The following ZFYVE16 variants were observed in gnomAD, a reference collection of about 807,000 sequenced individuals.
The protein encoded by ZFYVE16 is zinc finger FYVE-type containing 16.
In ZFYVE16, 89 loss-of-function variants were observed where a neutral mutation model predicts 138.1. That is an observed-to-expected ratio of 0.64 (90% CI 0.54 to 0.77). The LOEUF is 0.77. ZFYVE16 is among the 30% of genes least tolerant of loss of function. The pLI is 0.00. For synonymous variants in ZFYVE16, 596 were observed against 618.3 expected (o/e 0.96, Z 0.53); for missense variants, 1,793 against 1,786.7 (o/e 1.00, Z -0.06).
rs1332346630 is a variant in ZFYVE16 at position 80,427,549 on chromosome 5, C to A, written c.-40+4C>A. On this transcript the variant is annotated splice_donor_region_variant and intron_variant, in intron 2 of 18. Transcript: ENST00000505560. ...GAGTTTCTGTTCCAGACCAGAGGTT[C>A]GTCTACTTTTTTCATCTTTTCATAA... is the stretch of plus-strand genomic sequence containing the variant. 1 of 135,126 alleles carries A rather than the reference C, an allele frequency of 7.4e-6. No individual in the cohort carries two copies. 8.4% of individuals were successfully genotyped at this position (135,126 alleles called of 1,614,324 possible). A position where few individuals can be genotyped will look rare whatever the true frequency, so the allele number is the denominator to read the frequency against.
Position 80,437,427 on chromosome 5 carries a change from T to C in ZFYVE16, c.742T>C (p.Leu248=). 1.2e-6 allele frequency: 2 copies of C among 1,604,248 alleles called. No individual in the cohort carries two copies. Among genetic ancestry groups the C allele is most frequent in the Non-Finnish European group, 1.7e-6 (2 of 1,176,314 alleles). ...TGTTGATTTTAACATGTCATCTGCT[T>C]TGACTCGACAAAGTTCCAAAATGTT... ...SIVDFNMSSA[L]TRQSSKMFHA... Residue 248 remains leucine, a synonymous_variant, in exon 4 of 19, where the codon TTG becomes CTG. Transcript: ENST00000505560.
chr5:80,472,969 G>A (rs1411360885), intron 16 of ZFYVE16, 46 bp downstream of exon 16: 3 of 1,480,876 alleles, frequency 2.0e-6, no homozygotes, highest in African/African-American at 1.4e-5. Context: ...GAAGGAAAGT[G>A]CAGGATTAAA....
Position 80,459,458 on chromosome 5 carries a change from T to A in ZFYVE16, c.3988T>A (p.Ser1330Thr), listed in dbSNP as rs113349886. ...FVVFNGALKT[S>T]SGFLAKSSIV... ...GGTATTCAATGGAGCTCTAAAAACATCTTCAGGATTTCTTGCTAAGTCCAG... is the reference window on the plus strand; with the variant it reads ...GGTATTCAATGGAGCTCTAAAAACAACTTCAGGATTTCTTGCTAAGTCCAG... The change falls in exon 15 of 19, where the codon TCT (serine) becomes ACT (threonine). Residue 1330 changes from serine to threonine, a missense_variant. Transcript: ENST00000505560. 4.3e-6 allele frequency: 7 copies of A among 1,613,356 alleles called. No individual in the cohort carries two copies. Among genetic ancestry groups the A allele is most frequent in the Non-Finnish European group, 5.9e-6 (7 of 1,179,640 alleles).
At chr5:80,470,521 A>AT (rs911282034) in intron 15 of ZFYVE16, among the ~76,000 whole-genome samples, 37 of 150,392 alleles carry the variant, frequency 2.5e-4, no homozygotes, top group African/African-American at 3.2e-4. Flanking sequence ...AATTTCTATT[A>AT]TTTTTTTTGA....
chr5:80,424,001 A>G (rs1747628318), intron 1 of ZFYVE16, among the ~76,000 whole-genome samples: 1 of 150,172 alleles, frequency 6.7e-6, no homozygotes, highest in Non-Finnish European at 1.5e-5. Flanking sequence ...GCTGGAGTGC[A>G]ATGGTGGGAT....
intron 18 of ZFYVE16, 27 bp from the exon 19 acceptor site, chr5:80,477,192 C>T: frequency 6.4e-7 from 1 of 1,561,962 alleles, no homozygotes; most frequent in Non-Finnish European, 8.6e-7. Context: ...TGCTCATTTT[C>T]TTATCAAGAA....
rs895477268 is a variant in ZFYVE16, at chr5:80,418,980, G to A, written c.-93-8512G>A. ...CTAGGTTCATATTTTTCATAGAGAT[G>A]TCCAGTTTTTTCAGCACCTGTTATT... On this transcript the variant is annotated intron_variant, in intron 1 of 18. Coordinates refer to ENST00000505560, the MANE Select transcript of ZFYVE16 (RefSeq NM_001284236.3). 2.6e-5 allele frequency among the ~76,000 whole-genome samples: 4 copies of A among 151,234 alleles called. No homozygotes were observed. The South Asian group carries it at 6.2e-4, about 24-fold the overall frequency.
chr5:80,439,969 A>C lies in ZFYVE16; in HGVS notation c.2356A>C (p.Lys786Gln), dbSNP rs1750483934. ...TGGTGTCTGTTGTAATAGGAAGTGT[A>C]AACTGCAATATCTAGAAAAGGAAGC... is the stretch of plus-strand genomic sequence containing the variant. ...FCGVCCNRKC[K>Q]LQYLEKEARV... The change falls in exon 5 of 19, where the codon AAA (lysine) becomes CAA (glutamine). Residue 786 changes from lysine to glutamine, a missense_variant. Lys to Gln is a moderately conservative substitution (Grantham distance 53, BLOSUM62 1). Around this residue, in one of 2 missense-constraint regions of ZFYVE16, gnomAD observed 1,295 missense variants for 1,204.3 expected, o/e 1.08. Transcript: ENST00000505560. 5.0e-6 allele frequency: 8 copies of C among 1,610,942 alleles called. No homozygotes were observed. Among genetic ancestry groups the C allele is most frequent in the South Asian group, 1.1e-5 (1 of 90,572 alleles).
At position 80,460,443 on chromosome 5, in the gene ZFYVE16, ACT is replaced by A. The variant is rs201183988; in HGVS notation, c.4024+952_4024+953del. Among the ~76,000 whole-genome samples, 1,435 of 152,078 alleles carry A rather than the reference ACT, an allele frequency of 9.4e-3. 15 individuals are homozygous for A. The highest frequency in any genetic ancestry group is 0.011 in the Non-Finnish European group (714 of 67,958). ...TCATTTTAATACAGTATAATTTATG[ACT>A]CTTATGGCTAATGTTTTTTATTTAA... On this transcript the variant is annotated intron_variant, in intron 15 of 18. Transcript: ENST00000505560.
intron 3 of ZFYVE16, among the ~76,000 whole-genome samples, 164 bp downstream of exon 3, chr5:80,434,381 G>C (rs1749567117): frequency 6.6e-6 from 1 of 152,152 alleles, no homozygotes; most frequent in South Asian, 2.1e-4. Context: ...TTGATTCTTA[G>C]ACTGAATGGG....
rs566834342 is a variant in ZFYVE16 at position 80,479,368 on chromosome 5, CTTTGTGTG to C, written c.*1994_*2001del. On this transcript the variant is annotated 3_prime_UTR_variant, in exon 19 of 19. Coordinates refer to ENST00000505560, the MANE Select transcript of ZFYVE16 (RefSeq NM_001284236.3). ...TTGTTTTATGCAGCTATTCAACAAA[CTTTGTGTG>C]TTCGTATACTTGCTACATGCAGAGC... 2.6e-5 allele frequency: 4 copies of C among 152,178 alleles called. No homozygotes were observed. The highest frequency in any genetic ancestry group is 5.9e-5 in the Non-Finnish European group (4 of 68,006). The allele number at this position is 152,178 out of a possible 1,614,324, so 9.4% of individuals were successfully genotyped here.
intron 7 of ZFYVE16, among the ~76,000 whole-genome samples, chr5:80,445,613 T>C (rs1751241693): frequency 3.3e-5 from 5 of 151,882 alleles, no homozygotes; most frequent in Admixed American, 3.3e-4. Context: ...CAGGCTGGAG[T>C]GCAGTGGCAT....
At chr5:80,435,978 G>T in intron 3 of ZFYVE16, 2 of 205,920 alleles carry the variant, frequency 9.7e-6, no homozygotes, top group South Asian at 5.6e-5. Flanking sequence ...AATAGCTTTG[G>T]GTTCTCTCTC....
intron 2 of ZFYVE16, among the ~76,000 whole-genome samples, chr5:80,428,972 A>C (rs890321988): frequency 6.6e-6 from 1 of 152,210 alleles, no homozygotes; most frequent in Non-Finnish European, 1.5e-5. Flanking sequence ...GACCAAATCT[A>C]CGTCTAATTG....
intron 1 of ZFYVE16, among the ~76,000 whole-genome samples, chr5:80,424,587 AAG>A (rs1747723829): frequency 6.6e-6 from 1 of 151,116 alleles, no homozygotes; most frequent in Non-Finnish European, 1.5e-5. Context: ...TCAGTTACCT[AAG>A]TAACTGGGAT....
Position 80,451,570 on chromosome 5 carries a change from A to G in ZFYVE16, c.3468A>G (p.Thr1156=). ...SKDHGGFLFI[T]PTFQKLDDLS... ...ATCACGGAGGATTCCTGTTTATTAC[A>G]CCTACTTTTCAGAAACTTGATGATC... The change falls in exon 11 of 19, where the codon ACA becomes ACG. Residue 1156 remains threonine (T), a synonymous_variant. Coordinates refer to ENST00000505560, the MANE Select transcript of ZFYVE16 (RefSeq NM_001284236.3). 2 of 1,613,884 alleles carry G rather than the reference A, an allele frequency of 1.2e-6. No individual in the cohort carries two copies. Among genetic ancestry groups the G allele is most frequent in the Non-Finnish European group, 1.7e-6 (2 of 1,179,904 alleles).
At chr5:80,470,064 CGTGTGTGTGTGT>C (rs369109701) in intron 15 of ZFYVE16, among the ~76,000 whole-genome samples, 28 of 59,522 alleles carry the variant, frequency 4.7e-4, no homozygotes, top group Admixed American at 2.1e-3. Flanking sequence ...TGTATATATA[CGTGTGTGTGTGT>C]GTGTGTGTGT....
At chr5:80,469,642 A>ATGTG (rs1344552836) in intron 15 of ZFYVE16, among the ~76,000 whole-genome samples, 1 of 151,702 alleles carries the variant, frequency 6.6e-6, no homozygotes, top group Non-Finnish European at 1.5e-5. Flanking sequence ...CTGTCACTGT[A>ATGTG]TGTGTGTGTG....
intron 17 of ZFYVE16, 73 bp from the exon 18 acceptor site, chr5:80,474,590 C>A: frequency 1.4e-6 from 2 of 1,422,852 alleles, no homozygotes; most frequent in Middle Eastern, 2.4e-4. Flanking sequence ...TTTAATTAAA[C>A]TTGAAAGCAG....
Sources: allele counts gnomAD v4.1 joint callset (sites outside exome capture counted in the v4.1 genomes callset), GRCh38; gene constraint gnomAD v4.1.1; regional missense constraint gnomAD v4.1.1; transcripts MANE v1.5; gene names NCBI Gene and HGNC (gene_info 2026-07-23, HGNC 2026-07-21).